Variants in ARL15 observed in about 807,000 individuals in gnomAD.
ARL15 encodes the protein ADP-ribosylation factor-like protein 15.
A neutral mutation model predicts 25.2 loss-of-function variants in ARL15; 19 were observed. That is an observed-to-expected ratio of 0.75 (90% confidence interval 0.53 to 1.10). The LOEUF (loss-of-function observed/expected upper bound fraction) is 1.10. Among genes scored for constraint, ARL15 ranks in the 50% least tolerant of loss-of-function variants. The pLI is 0.00. For synonymous variants in ARL15, 94 were observed against 86.8 expected, an observed-to-expected ratio of 1.08 and a Z score of -0.46; for missense variants, 220 against 246.0, an observed-to-expected ratio of 0.89 and a Z score of 0.71.
chr5:54,050,495 T>C (rs865830548), intron 4 of ARL15, among the ~76,000 whole-genome samples: 1 of 152,160 alleles, frequency 6.6e-6, no homozygotes, highest in Non-Finnish European at 1.5e-5. Flanking sequence ...ATCTTGAAAG[T>C]TTCCCACTTG....
At chr5:54,195,915 C>G (rs940473224) in intron 1 of ARL15, among the ~76,000 whole-genome samples, 3 of 152,140 alleles carry the variant, frequency 2.0e-5, no homozygotes, top group Non-Finnish European at 2.9e-5. Flanking sequence ...GCCCAGAAAT[C>G]TGGCTGCAGA....
chr5:53,959,394 C>T (rs1486588124), intron 4 of ARL15, among the ~76,000 whole-genome samples: 1 of 151,974 alleles, frequency 6.6e-6, no homozygotes, highest in East Asian at 1.9e-4. Flanking sequence ...GCAATAGAGA[C>T]ACAATAGAGA....
intron 4 of ARL15, among the ~76,000 whole-genome samples, chr5:54,104,093 C>T (rs1579802867): frequency 6.6e-6 from 1 of 152,190 alleles, no homozygotes; most frequent in Non-Finnish European, 1.5e-5. Flanking sequence ...TCTTCCCGTT[C>T]CCCTCTTTCC....
At chr5:53,944,346 C>T (rs1291365537) in intron 4 of ARL15, among the ~76,000 whole-genome samples, 1 of 152,094 alleles carries the variant, frequency 6.6e-6, no homozygotes. Flanking sequence ...CACAGTTGTT[C>T]GCACCTGTAA....
chr5:54,044,522 G>C (rs1189975669), intron 4 of ARL15, among the ~76,000 whole-genome samples: 1 of 152,134 alleles, frequency 6.6e-6, no homozygotes, highest in East Asian at 1.9e-4. Flanking sequence ...TGGGATTACA[G>C]GCGTGACCCA....
intron 1 of ARL15, among the ~76,000 whole-genome samples, chr5:54,272,352 A>G (rs1333064234): frequency 6.6e-6 from 1 of 152,042 alleles, no homozygotes; most frequent in Non-Finnish European, 1.5e-5. Flanking sequence ...TCATTGACAA[A>G]ACAAATTATT....
At chr5:54,162,347 C>T (rs1754429949) in intron 2 of ARL15, among the ~76,000 whole-genome samples, 1 of 152,120 alleles carries the variant, frequency 6.6e-6, no homozygotes, top group Non-Finnish European at 1.5e-5. Flanking sequence ...CATTACAGAG[C>T]CTTCTCAGTG....
intron 1 of ARL15, among the ~76,000 whole-genome samples, chr5:54,197,383 T>C (rs538812800): frequency 6.6e-6 from 1 of 152,254 alleles, no homozygotes; most frequent in Admixed American, 6.5e-5. Context: ...AGCACCTGAT[T>C]GGGAGGGGGA....
chr5:54,030,182 G>T (rs1362452134), intron 4 of ARL15, among the ~76,000 whole-genome samples: 1 of 152,004 alleles, frequency 6.6e-6, no homozygotes, highest in Non-Finnish European at 1.5e-5. Flanking sequence ...TTCAAAAAAG[G>T]ACTTCTGAAA....
chr5:54,047,218 G>A (rs1750549191), intron 4 of ARL15, among the ~76,000 whole-genome samples: 1 of 152,142 alleles, frequency 6.6e-6, no homozygotes, highest in Non-Finnish European at 1.5e-5. Context: ...CTGGTACTGA[G>A]GGACTGCATT....
rs568369468 is a variant in ARL15, at chr5:53,963,155, T to C, written c.463-76442A>G. Among the ~76,000 whole-genome samples the C allele has an allele frequency of 7.5e-4, 114 of 152,360 alleles. 1 individual carries two copies. Among genetic ancestry groups the C allele is most frequent in the Non-Finnish European group, 2.9e-4 (20 of 68,038 alleles). ...GAAGAATTTGAGAGTAGATGTTTAC[T>C]ACCTAATTAGCACATTTATCCCCTT... On this transcript the variant is annotated intron_variant, in intron 4 of 4. Transcript: ENST00000504924.
intron 4 of ARL15, among the ~76,000 whole-genome samples, chr5:54,066,714 A>G (rs1358921115): frequency 1.3e-5 from 2 of 152,228 alleles, no homozygotes; most frequent in East Asian, 1.9e-4. Flanking sequence ...GCATAAAACT[A>G]CTTCCCAACC....
At chr5:54,101,918 C>T (rs183466841) in intron 4 of ARL15, among the ~76,000 whole-genome samples, 1 of 151,608 alleles carries the variant, frequency 6.6e-6, no homozygotes, top group African/African-American at 2.4e-5. Flanking sequence ...ATATTCATGG[C>T]TGTCTATTTA....
intron 4 of ARL15, among the ~76,000 whole-genome samples, chr5:54,061,131 G>T (rs779591695): frequency 6.6e-6 from 1 of 152,182 alleles, no homozygotes; most frequent in Non-Finnish European, 1.5e-5. Flanking sequence ...AAGTGGTTTC[G>T]TGGGCCAGGC....
At chr5:54,046,991 T>G (rs564613378) in intron 4 of ARL15, among the ~76,000 whole-genome samples, 27 of 152,290 alleles carry the variant, frequency 1.8e-4, no homozygotes, top group Middle Eastern at 3.4e-3. Flanking sequence ...CCATTTACAC[T>G]GTCATGCTTC....
intron 3 of ARL15, among the ~76,000 whole-genome samples, chr5:54,122,804 C>A (rs1007004634): frequency 1.3e-5 from 2 of 152,144 alleles, no homozygotes; most frequent in African/African-American, 4.8e-5. Flanking sequence ...TTATAACCCA[C>A]TTTTTCAGCC....
chr5:54,141,150 T>A (rs1393560630), intron 3 of ARL15, among the ~76,000 whole-genome samples: 1 of 152,298 alleles, frequency 6.6e-6, no homozygotes. Context: ...TCTGTCATTT[T>A]TTTTTATTAA....
intron 4 of ARL15, among the ~76,000 whole-genome samples, chr5:54,070,671 T>C (rs1406801420): frequency 1.3e-5 from 2 of 151,640 alleles, no homozygotes; most frequent in Admixed American, 6.6e-5. Context: ...TGAAACCCTG[T>C]ATATACTAAA....
At chr5:53,969,732 C>T (rs1180237707) in intron 4 of ARL15, among the ~76,000 whole-genome samples, 1 of 151,980 alleles carries the variant, frequency 6.6e-6, no homozygotes, top group Non-Finnish European at 1.5e-5. Flanking sequence ...TGTGAGTTGA[C>T]AATTTTCCTC....
Sources: allele counts gnomAD v4.1 joint callset (sites outside exome capture counted in the v4.1 genomes callset), GRCh38; gene constraint gnomAD v4.1.1; transcripts MANE v1.5; gene names NCBI Gene and HGNC (gene_info 2026-07-23, HGNC 2026-07-21).